The following PCDHGA9 variants were observed in gnomAD, a reference collection of about 807,000 sequenced individuals.
The protein encoded by PCDHGA9 is protocadherin gamma-A9.
PCDHGA9 carries 37 observed loss-of-function variants against 62.5 expected under a neutral mutation model. That is an observed-to-expected ratio of 0.59 (90% confidence interval 0.46 to 0.78). PCDHGA9 has a LOEUF of 0.78. Ranked by LOEUF, PCDHGA9 falls within the 30% of genes least tolerant of loss-of-function variation. The pLI is 0.00. For synonymous variants in PCDHGA9, 459 were observed against 484.6 expected (o/e 0.95, Z 0.69); for missense variants, 1,138 against 1,166.2 (o/e 0.98, Z 0.35).
intron 1 of PCDHGA9, chr5:141,478,292 CTATA>C (rs1257685524): frequency 6.2e-7 from 1 of 1,614,146 alleles, no homozygotes; most frequent in Admixed American, 1.7e-5. Flanking sequence ...GTCTAGAGAC[CTATA>C]CCGAGCCCCG....
At chr5:141,413,385 A>G (rs1328460811) in intron 1 of PCDHGA9, 23 of 1,613,870 alleles carry the variant, frequency 1.4e-5, no homozygotes, top group Non-Finnish European at 1.8e-5. Flanking sequence ...GAGTCCGCAT[A>G]GTCTCCAGAG....
intron 1 of PCDHGA9, 71 bp downstream of exon 1, chr5:141,405,447 T>C (rs2094668355): frequency 7.5e-7 from 1 of 1,339,134 alleles, no homozygotes; most frequent in South Asian, 1.3e-5. Flanking sequence ...TGAGACAGAG[T>C]CTTACTCTGT....
chr5:141,489,597 A>T lies in PCDHGA9; in HGVS notation c.2425-5210A>T. The T allele has an allele frequency of 6.2e-7, 1 of 1,614,100 alleles. No individual in the cohort carries two copies. Among genetic ancestry groups the T allele is most frequent in the African/African-American group, 1.3e-5 (1 of 75,040 alleles). ...AACACCCCCTGGAGCTAATCCGTGT[A>T]GAGGTAGAGATCCTGGATCTCAATG... On this transcript the variant is annotated intron_variant, in intron 1 of 3. Transcript: ENST00000573521. The surrounding 1 kb of genome is among the most constrained non-coding windows in gnomAD (Gnocchi z 4.5).
chr5:141,415,515 G>A (rs752258863), intron 1 of PCDHGA9: 5 of 1,614,152 alleles, frequency 3.1e-6, no homozygotes, highest in South Asian at 1.1e-5. Flanking sequence ...CCAATTATGC[G>A]GACACGCTCA....
rs1224625072 is a variant in PCDHGA9, at chr5:141,490,972, C to T, written c.2425-3835C>T. ...AGACTGGGAACACTCAGCCCCCCAG[C>T]GTCTCCCTCGCTCTGCTCCTCCTGG... On this transcript the variant is annotated intron_variant, in intron 1 of 3. Transcript: ENST00000573521. This position sits in a 1 kb window ranked among gnomAD's most constrained non-coding sequence, Gnocchi z 5.4. The T allele has an allele frequency of 1.2e-5, 20 of 1,613,912 alleles. No individual in the cohort carries two copies. Among genetic ancestry groups the T allele is most frequent in the East Asian group, 4.5e-5 (2 of 44,882 alleles).
chr5:141,404,724 T>C lies in PCDHGA9; in HGVS notation c.1772T>C (p.Val591Ala). The C allele has an allele frequency of 6.2e-7, 1 of 1,613,942 alleles. No individual in the cohort carries two copies. The highest frequency in any genetic ancestry group is 8.5e-7 in the Non-Finnish European group (1 of 1,180,010). The change falls in exon 1 of 4, where the codon GTG becomes GCG. Residue 591 changes from valine to alanine, a missense_variant. Coordinates refer to ENST00000573521, the MANE Select transcript of PCDHGA9 (RefSeq NM_018921.3). ...SAEPGYLVTK[V>A]VAVDRDSGQN... ...GAGCCTGGCTACCTGGTGACCAAGG[T>C]GGTGGCAGTGGACAGAGACTCAGGC... is the stretch of plus-strand genomic sequence containing the variant.
At chr5:141,422,690 T>G (rs1384522137) in intron 1 of PCDHGA9, 1 of 1,603,908 alleles carries the variant, frequency 6.2e-7, no homozygotes, top group Admixed American at 1.7e-5. Context: ...AATGCCCTGG[T>G]CACTTACTCT....
chr5:141,500,491 G>A (rs1595677531), intron 2 of PCDHGA9, among the ~76,000 whole-genome samples: 1 of 152,156 alleles, frequency 6.6e-6, no homozygotes, highest in East Asian at 1.9e-4. Context: ...TTACAGGCGT[G>A]AGCCACCGCG....
chr5:141,404,348 G>T lies in PCDHGA9; in HGVS notation c.1396G>T (p.Ala466Ser), dbSNP rs370966293. 60 of 1,613,640 alleles carry T rather than the reference G, an allele frequency of 3.7e-5. No individual in the cohort carries two copies. The highest frequency in any genetic ancestry group is 4.9e-5 in the Non-Finnish European group (58 of 1,179,784). ...CTCAGTCTACCTCCCGGAAAACAAC[G>T]CCAGAGGTACTTCCATCTTCTCCGT... The part of the protein sequence containing the change: ...SYSVYLPENN[A>S]RGTSIFSVIA... Residue 466 changes from alanine to serine, a missense_variant, in exon 1 of 4, where the codon GCC becomes TCC. Ala to Ser is a moderately conservative substitution (Grantham distance 99). Coordinates refer to ENST00000573521, the MANE Select transcript of PCDHGA9 (RefSeq NM_018921.3).
chr5:141,508,043 T>A (rs2099865910), intron 3 of PCDHGA9: 1 of 152,252 alleles, frequency 6.6e-6, no homozygotes, highest in Non-Finnish European at 1.5e-5. Context: ...CAGCCAGCTG[T>A]GTTCCAGCTA....
Position 141,404,776 on chromosome 5 carries a change from A to G in PCDHGA9, c.1824A>G (p.Leu608=), listed in dbSNP as rs2094566348. 1 of 1,612,952 alleles carries G rather than the reference A, an allele frequency of 6.2e-7. No homozygotes were observed. The highest frequency in any genetic ancestry group is 8.5e-7 in the Non-Finnish European group (1 of 1,179,908). The stretch of plus-strand genomic sequence containing the variant: ...AGAATGCTTGGCTCTCCTACCGCCT[A>G]TTCAAGGCCAGTGAGCCAGGGCTCT... ...SGQNAWLSYR[L]FKASEPGLFS... The change falls in exon 1 of 4, where the codon CTA becomes CTG. Residue 608 remains leucine, a synonymous_variant. Coordinates refer to ENST00000573521, the MANE Select transcript of PCDHGA9 (RefSeq NM_018921.3).
intron 3 of PCDHGA9, among the ~76,000 whole-genome samples, chr5:141,508,439 T>C (rs1037512760): frequency 1.3e-5 from 2 of 152,188 alleles, no homozygotes; most frequent in African/African-American, 4.8e-5. Flanking sequence ...ACACAGTTCC[T>C]TAGTGGCAGA....
At chr5:141,499,019 AGGAAGGAAGAAAAG>A (rs2099788655) in intron 2 of PCDHGA9, among the ~76,000 whole-genome samples, 1 of 150,840 alleles carries the variant, frequency 6.6e-6, no homozygotes, top group Non-Finnish European at 1.5e-5. Flanking sequence ...GAAGGAAGGA[AGGAAGGAAGAAAAG>A]AAAGAAAAAG....
At chr5:141,407,505 T>TTTTTTTTTTTTTTTTTTTTTTGAG (rs1460306566) in intron 1 of PCDHGA9, among the ~76,000 whole-genome samples, 1 of 152,148 alleles carries the variant, frequency 6.6e-6, no homozygotes, top group African/African-American at 2.4e-5. Context: ...CTGTTTTTCT[T>TTTTTTTTTTTTTTTTTTTTTTGAG]AGGCTATGTA....
chr5:141,472,230 C>T (rs1274096264), intron 1 of PCDHGA9, among the ~76,000 whole-genome samples: 1 of 152,116 alleles, frequency 6.6e-6, no homozygotes, highest in Non-Finnish European at 1.5e-5. Flanking sequence ...TCATATAATA[C>T]ATTCACTTTC....
At chr5:141,411,890 G>T (rs2095521758) in intron 1 of PCDHGA9, 1 of 152,148 alleles carries the variant, frequency 6.6e-6, no homozygotes, top group South Asian at 2.1e-4. Context: ...AGAAATAAAT[G>T]AAATACTATT....
chr5:141,409,360 A>G (rs746614262), intron 1 of PCDHGA9: 2 of 1,614,014 alleles, frequency 1.2e-6, no homozygotes, highest in Admixed American at 3.3e-5. Flanking sequence ...GGTGTAATAT[A>G]GAAACAGACA....
At chr5:141,510,450 T>G (rs1273211856) in intron 3 of PCDHGA9, among the ~76,000 whole-genome samples, 1 of 151,946 alleles carries the variant, frequency 6.6e-6, no homozygotes, top group Non-Finnish European at 1.5e-5. Flanking sequence ...CAGGAGCCCA[T>G]GGTCTAGTGT....
At position 141,428,093 on chromosome 5, in the gene PCDHGA9, C is replaced by T. The variant is rs577985465; in HGVS notation, c.2424+22717C>T. On this transcript the variant is annotated intron_variant, in intron 1 of 3. Transcript: ENST00000573521. ...ATTCGGGACACAACGCTTGGCTGTC[C>T]TACCACGTGCTGCAGGCCATCGAGC... 2.4e-4 allele frequency: 380 copies of T among 1,608,880 alleles called. 2 individuals are homozygous for T. The South Asian group carries it at 4.0e-3, about 17-fold the overall frequency.
Sources: gnomAD v4.1 joint callset for allele counts (sites outside exome capture counted in the v4.1 genomes callset) on GRCh38, gnomAD v4.1.1 for gene constraint, Gnocchi (gnomAD v3.1) non-coding constraint, MANE v1.5 for transcripts, NCBI Gene and HGNC (gene_info 2026-07-23, HGNC 2026-07-21) for gene names.